The following KCNJ5 variants were observed in gnomAD, a reference collection of about 807,000 sequenced individuals.
KCNJ5 encodes potassium inwardly rectifying channel subfamily J member 5.
KCNJ5 carries 12 observed loss-of-function variants against 20.2 expected under a neutral mutation model. That is an observed-to-expected ratio of 0.59 (90% CI 0.38 to 0.96). The LOEUF is 0.96. Among genes scored for constraint, KCNJ5 ranks in the 40% least tolerant of loss-of-function variants. KCNJ5 has a pLI of 0.00. For synonymous variants in KCNJ5, 210 were observed against 213.9 expected, an observed-to-expected ratio of 0.98 and a Z score of 0.16; for missense variants, 449 against 557.6, an observed-to-expected ratio of 0.81 and a Z score of 1.96.
Position 128,911,047 on chromosome 11 carries a change from G to A in KCNJ5, c.-10-217G>A, listed in dbSNP as rs1944488399. The A allele has an allele frequency of 1.7e-6, 1 of 579,306 alleles. No homozygotes were observed. Among genetic ancestry groups the A allele is most frequent in the African/African-American group, 1.9e-5 (1 of 53,710 alleles). The allele number at this position is 579,306 out of a possible 1,614,324, so 35.9% of individuals were successfully genotyped here. On this transcript the variant is annotated intron_variant, in intron 1 of 2. Coordinates refer to ENST00000529694, the MANE Select transcript of KCNJ5 (RefSeq NM_000890.5). This position sits in a 1 kb window ranked among gnomAD's most constrained non-coding sequence, Gnocchi z 6.3. ...CATTTATTCATTCAACAAACAGCTA[G>A]CAAGCATCTATTTTGTGCTAGACTC...
chr11:128,901,657 A>G (rs1393851857), intron 1 of KCNJ5: 2 of 152,284 alleles, frequency 1.3e-5, no homozygotes, highest in Admixed American at 6.5e-5. Flanking sequence ...GTTCTCAACA[A>G]TAATCCCACC....
chr11:128,903,342 A>G (rs1944324969), intron 1 of KCNJ5: 2 of 1,613,506 alleles, frequency 1.2e-6, no homozygotes, highest in South Asian at 2.2e-5. Context: ...GTGTTGGAAG[A>G]ACGCGATCCG....
At position 128,912,281 on chromosome 11, in the gene KCNJ5, A is replaced by G. The variant is rs1047846762; in HGVS notation, c.937+71A>G. On this transcript the variant is annotated intron_variant, in intron 2 of 2. Transcript: ENST00000529694. The stretch of plus-strand genomic sequence containing the variant: ...TTCAGACTTAGGCAACTGTGACTCC[A>G]GAAGATGCAGGTCTGTGCCTGAGAG... 1.1e-5 allele frequency: 13 copies of G among 1,212,540 alleles called. No homozygotes were observed. In the African/African-American group the frequency reaches 1.8e-4, roughly 17 times the overall value. 75.1% of individuals were successfully genotyped at this position (1,212,540 alleles called of 1,614,324 possible).
intron 1 of KCNJ5, among the ~76,000 whole-genome samples, chr11:128,896,633 GTTTT>G (rs1944181660): frequency 6.9e-6 from 1 of 145,508 alleles, no homozygotes; most frequent in South Asian, 2.2e-4. Context: ...TGTGTGTGTG[GTTTT>G]TTTATTGCTG....
chr11:128,899,077 T>A (rs1944223019), intron 1 of KCNJ5, among the ~76,000 whole-genome samples: 2 of 152,348 alleles, frequency 1.3e-5, no homozygotes, highest in East Asian at 1.9e-4. Flanking sequence ...CTTTCTTGAA[T>A]CATTTAAGCA....
rs527296739 is a variant in KCNJ5, at chr11:128,919,097, C to A, written c.*2366C>A. Reference sequence around the variant, plus strand: ...ACTAACAGCAAAACCATTCCACACCCCCTTGCCAGATCTAAGCCTGTCTTA... The same window carrying A: ...ACTAACAGCAAAACCATTCCACACCACCTTGCCAGATCTAAGCCTGTCTTA... On this transcript the variant is annotated 3_prime_UTR_variant, in exon 3 of 3. Transcript: ENST00000529694. 1.2e-4 allele frequency: 18 copies of A among 152,524 alleles called. No homozygotes were observed. Among genetic ancestry groups the A allele is most frequent in the African/African-American group, 4.1e-4 (17 of 41,578 alleles). The allele number at this position is 152,524 out of a possible 1,614,324, so 9.4% of individuals were successfully genotyped here.
chr11:128,913,880 C>T (rs577290015), intron 2 of KCNJ5, among the ~76,000 whole-genome samples: 8 of 152,342 alleles, frequency 5.3e-5, no homozygotes, highest in Non-Finnish European at 8.8e-5. Flanking sequence ...TTCCAGCCCC[C>T]AGGAAGCTGG....
At chr11:128,906,917 C>T (rs1302043555) in intron 1 of KCNJ5, among the ~76,000 whole-genome samples, 1 of 152,116 alleles carries the variant, frequency 6.6e-6, no homozygotes, top group Non-Finnish European at 1.5e-5. Context: ...TGGAATTCTG[C>T]CTACTTACAA....
At position 128,916,888 on chromosome 11, in the gene KCNJ5, T is replaced by C; in HGVS notation, c.*157T>C. On this transcript the variant is annotated 3_prime_UTR_variant, in exon 3 of 3. Coordinates refer to ENST00000529694, the MANE Select transcript of KCNJ5 (RefSeq NM_000890.5). ...GAACCATAAACCCAGCCCTCACAGC[T>C]CCCAGCACAGGGCCTCCCTGAGCCA... is the stretch of plus-strand genomic sequence containing the variant. The C allele has an allele frequency of 1.6e-6, 1 of 637,270 alleles. No homozygotes were observed. 39.5% of individuals were successfully genotyped at this position (637,270 alleles called of 1,614,324 possible).
At position 128,912,128 on chromosome 11, in the gene KCNJ5, T is replaced by C; in HGVS notation, c.855T>C (p.Pro285=). 1.2e-6 allele frequency: 2 copies of C among 1,612,944 alleles called. No individual in the cohort carries two copies. Among genetic ancestry groups the C allele is most frequent in the Non-Finnish European group, 1.7e-6 (2 of 1,179,980 alleles). The change falls in exon 2 of 3, where the codon CCT becomes CCC. Residue 285 remains proline, a synonymous_variant. Coordinates refer to ENST00000529694, the MANE Select transcript of KCNJ5 (RefSeq NM_000890.5). ...CCCATGAGATCAACCAGAAGAGCCC[T>C]TTCTGGGAGATGTCTCAGGCTCAGC... ...IISHEINQKS[P]FWEMSQAQLH...
At chr11:128,902,655 C>A in intron 1 of KCNJ5, 4 of 1,613,994 alleles carry the variant, frequency 2.5e-6, no homozygotes, top group Non-Finnish European at 3.4e-6. Flanking sequence ...TTCTCCTCTT[C>A]CTGCCGGGCC....
chr11:128,899,379 C>T (rs1310202408), intron 1 of KCNJ5, among the ~76,000 whole-genome samples: 1 of 152,210 alleles, frequency 6.6e-6, no homozygotes, highest in East Asian at 1.9e-4. Flanking sequence ...TTCTGTGGCT[C>T]TTTCTCACAT....
chr11:128,896,287 CT>C (rs1381896697), intron 1 of KCNJ5, among the ~76,000 whole-genome samples: 5 of 152,186 alleles, frequency 3.3e-5, no homozygotes, highest in Admixed American at 2.0e-4. Flanking sequence ...GAACAGAGAT[CT>C]GCCATTCCCT....
chr11:128,901,673 G>A (rs1279559894), intron 1 of KCNJ5: 1 of 152,242 alleles, frequency 6.6e-6, no homozygotes, highest in Non-Finnish European at 1.5e-5. Flanking sequence ...CCACCCATGT[G>A]GGGAGCTCCC....
At chr11:128,906,750 C>A (rs922883874) in intron 1 of KCNJ5, among the ~76,000 whole-genome samples, 2 of 152,210 alleles carry the variant, frequency 1.3e-5, no homozygotes, top group African/African-American at 4.8e-5. Flanking sequence ...AAAGCCCAAT[C>A]CCTTCAAAGG....
intron 1 of KCNJ5, among the ~76,000 whole-genome samples, chr11:128,907,640 G>A (rs1015932572): frequency 1.3e-5 from 2 of 152,216 alleles, no homozygotes; most frequent in African/African-American, 4.8e-5. Flanking sequence ...AAGAAGAGAA[G>A]TATCAGGCTT....
At chr11:128,896,682 T>C (rs906198010) in intron 1 of KCNJ5, among the ~76,000 whole-genome samples, 5 of 152,016 alleles carry the variant, frequency 3.3e-5, no homozygotes, top group African/African-American at 9.7e-5. Context: ...GAATCGTCCA[T>C]AGTGGGAAGG....
At chr11:128,909,989 C>T (rs1253188692) in intron 1 of KCNJ5, 1 of 152,100 alleles carries the variant, frequency 6.6e-6, no homozygotes, top group Non-Finnish European at 1.5e-5. Context: ...AAACCTAGAC[C>T]CAAAACCTCA....
Position 128,891,729 on chromosome 11 carries a change from G to T in KCNJ5, c.-11+8G>T, listed in dbSNP as rs1327589106. On this transcript the variant is annotated splice_region_variant and intron_variant, in intron 1 of 2. Transcript: ENST00000529694. ...AAGCTCCGATCTCAACAAGTAAGTT[G>T]TCTTCTTTTCCTCCTCCATTTCTCC... 5 of 152,454 alleles carry T rather than the reference G, an allele frequency of 3.3e-5. No individual in the cohort carries two copies. The highest frequency in any genetic ancestry group is 3.9e-4 in the East Asian group (2 of 5,172). 9.4% of individuals were successfully genotyped at this position (152,454 alleles called of 1,614,324 possible).
Sources: allele counts gnomAD v4.1 joint callset (sites outside exome capture counted in the v4.1 genomes callset), GRCh38; gene constraint gnomAD v4.1.1; non-coding constraint Gnocchi (gnomAD v3.1); transcripts MANE v1.5; gene names NCBI Gene and HGNC (gene_info 2026-07-23, HGNC 2026-07-21).